The following LRP1B variants were observed in gnomAD, a reference collection of about 807,000 sequenced individuals.
LRP1B encodes LDL receptor related protein 1B.
LRP1B carries 217 observed loss-of-function variants against 556.6 expected under a neutral mutation model. The observed-to-expected ratio is 0.39, with a 90% CI of 0.35 to 0.44. The LOEUF (loss-of-function observed/expected upper bound fraction) is 0.44, where lower values mean the gene tolerates loss of function less well. Ranked by LOEUF, LRP1B falls within the 20% of genes least tolerant of loss-of-function variation. LRP1B has a pLI of 1.00. For synonymous variants in LRP1B, 2,047 were observed against 1,865.8 expected (o/e 1.10, Z -2.50); for missense variants, 5,053 against 5,620.8 (o/e 0.90, Z 3.23).
At chr2:141,446,911 A>T (rs1681214434) in intron 3 of LRP1B, among the ~76,000 whole-genome samples, 2 of 151,802 alleles carry the variant, frequency 1.3e-5, no homozygotes, top group African/African-American at 4.8e-5. Context: ...CTTCTCAAGG[A>T]GTCTCTTTGT....
intron 1 of LRP1B, among the ~76,000 whole-genome samples, chr2:141,923,952 C>T (rs1320491301): frequency 6.6e-6 from 1 of 151,890 alleles, no homozygotes; most frequent in Non-Finnish European, 1.5e-5. Context: ...TTGTGATTAC[C>T]TAGTCATAGG....
intron 3 of LRP1B, among the ~76,000 whole-genome samples, chr2:141,328,827 C>T (rs560868961): frequency 1.3e-5 from 2 of 152,094 alleles, no homozygotes; most frequent in Admixed American, 6.5e-5. Context: ...GAGAAGCAAT[C>T]AGATTTAAAG....
At chr2:140,667,219 T>C (rs922244791) in intron 41 of LRP1B, among the ~76,000 whole-genome samples, 11 of 152,144 alleles carry the variant, frequency 7.2e-5, no homozygotes, top group Non-Finnish European at 1.6e-4. Flanking sequence ...ATTGAATAAA[T>C]GCATGAAAAA....
At chr2:141,965,580 A>C (rs1369842356) in intron 1 of LRP1B, among the ~76,000 whole-genome samples, 1 of 96,692 alleles carries the variant, frequency 1.0e-5, no homozygotes, top group African/African-American at 4.1e-5. Context: ...GGAATATCAC[A>C]CTCTGGGGAC....
chr2:140,622,688 CAGAA>C (rs1445320870), intron 41 of LRP1B, among the ~76,000 whole-genome samples: 1 of 152,038 alleles, frequency 6.6e-6, no homozygotes. Flanking sequence ...TCATTCGGAA[CAGAA>C]AGAAAGAATC....
intron 7 of LRP1B, among the ~76,000 whole-genome samples, chr2:141,151,545 C>T (rs1037122556): frequency 6.6e-6 from 1 of 152,072 alleles, no homozygotes; most frequent in African/African-American, 2.4e-5. Flanking sequence ...GGCTAAGACA[C>T]AATTGCTTAT....
At chr2:141,872,878 A>G (rs1037883793) in intron 1 of LRP1B, among the ~76,000 whole-genome samples, 4 of 152,036 alleles carry the variant, frequency 2.6e-5, no homozygotes, top group Non-Finnish European at 5.9e-5. Flanking sequence ...AGTCCTTATT[A>G]TCCAACCAAT....
intron 6 of LRP1B, among the ~76,000 whole-genome samples, chr2:141,211,909 G>A (rs1274308853): frequency 6.6e-6 from 1 of 151,872 alleles, no homozygotes; most frequent in Non-Finnish European, 1.5e-5. Flanking sequence ...TTACCAACAG[G>A]GAAGTAATTT....
chr2:141,261,505 C>T (rs1684683692), intron 3 of LRP1B, among the ~76,000 whole-genome samples: 1 of 152,134 alleles, frequency 6.6e-6, no homozygotes, highest in African/African-American at 2.4e-5. Context: ...CTTTGCACCT[C>T]TACAGTCAAC....
chr2:141,648,166 T>G (rs1317435883), intron 2 of LRP1B, among the ~76,000 whole-genome samples: 1 of 152,094 alleles, frequency 6.6e-6, no homozygotes, highest in Non-Finnish European at 1.5e-5. Context: ...TGAAGAAACA[T>G]TCATATTGGG....
At chr2:141,828,737 GCC>G (rs1697016564) in intron 1 of LRP1B, among the ~76,000 whole-genome samples, 1 of 152,102 alleles carries the variant, frequency 6.6e-6, no homozygotes, top group Non-Finnish European at 1.5e-5. Flanking sequence ...CAAAAACTCT[GCC>G]CCATAGGGAT....
Position 140,378,160 on chromosome 2 carries a change from G to T in LRP1B, c.10638+20C>A. 2 of 1,535,708 alleles carry T rather than the reference G, an allele frequency of 1.3e-6. No individual in the cohort carries two copies. The highest frequency in any genetic ancestry group is 1.1e-5 in the South Asian group (1 of 87,482). On this transcript the variant is annotated intron_variant, in intron 68 of 90. Transcript: ENST00000389484. ...GGTTCTAAAGCGCTGCTTTCTTTTT[G>T]ATTTTACAAAGATGCCTACCTCATC...
At chr2:141,789,277 T>C (rs1695530689) in intron 2 of LRP1B, among the ~76,000 whole-genome samples, 1 of 152,024 alleles carries the variant, frequency 6.6e-6, no homozygotes, top group South Asian at 2.1e-4. Flanking sequence ...TACAGCATTG[T>C]TACAAAATGA....
chr2:141,795,717 T>TA (rs1271087472), intron 2 of LRP1B, among the ~76,000 whole-genome samples: 2 of 151,694 alleles, frequency 1.3e-5, no homozygotes, highest in Admixed American at 6.6e-5. Context: ...CCTGTTGCTT[T>TA]ACCTTACTGC....
At chr2:141,357,001 T>C (rs1456623732) in intron 3 of LRP1B, among the ~76,000 whole-genome samples, 2 of 152,140 alleles carry the variant, frequency 1.3e-5, no homozygotes, top group Non-Finnish European at 2.9e-5. Flanking sequence ...ATAGTCATGA[T>C]GGAAATATGT....
intron 1 of LRP1B, among the ~76,000 whole-genome samples, chr2:142,005,898 GA>G (rs541034249): frequency 0.032 from 3,791 of 117,914 alleles, 63 homozygotes; most frequent in Middle Eastern, 0.055. Context: ...AAAAAAAAAA[GA>G]AAAAAAAAAG....
rs148965649 is a variant in LRP1B at position 140,809,499 on chromosome 2, C to T, written c.5359+4158G>A. 6.1e-3 allele frequency among the ~76,000 whole-genome samples: 927 copies of T among 152,242 alleles called. 13 individuals are homozygous for T. The highest frequency in any genetic ancestry group is 0.021 in the African/African-American group (873 of 41,534). On this transcript the variant is annotated intron_variant, in intron 32 of 90. Transcript: ENST00000389484. ...CAGCCTAGACTCAGATCCTACTTAA[C>T]ATTTATGTTAGAGCTATTTGGTTTT...
intron 5 of LRP1B, among the ~76,000 whole-genome samples, chr2:141,245,836 A>G (rs970963889): frequency 6.6e-6 from 1 of 152,198 alleles, no homozygotes; most frequent in African/African-American, 2.4e-5. Context: ...CACTCATTTT[A>G]GTAATTTTAA....
chr2:142,011,638 A>C (rs1198398723), intron 1 of LRP1B, among the ~76,000 whole-genome samples: 1 of 152,146 alleles, frequency 6.6e-6, no homozygotes, highest in Non-Finnish European at 1.5e-5. Context: ...ATTAATTTCC[A>C]TTGTAATCAA....
Sources: allele counts gnomAD v4.1 joint callset (sites outside exome capture counted in the v4.1 genomes callset), GRCh38; gene constraint gnomAD v4.1.1; transcripts MANE v1.5; gene names NCBI Gene and HGNC (gene_info 2026-07-23, HGNC 2026-07-21).